The following GALNT7 variants were observed in gnomAD, a reference collection of about 807,000 sequenced individuals.
GALNT7 encodes the protein N-acetylgalactosaminyltransferase 7.
Under a neutral mutation model 82.1 loss-of-function variants are expected in GALNT7, and 60 were observed. That is an observed-to-expected ratio of 0.73 (90% CI 0.59 to 0.91). The LOEUF is 0.91. GALNT7 is among the 40% of genes least tolerant of loss of function. The pLI, the probability that GALNT7 is intolerant of heterozygous loss-of-function variation, is 0.00. For missense variants in GALNT7, 660 were observed against 804.2 expected (o/e 0.82, Z 2.17); for synonymous variants, 243 against 275.1 (o/e 0.88, Z 1.15).
At chr4:173,276,677 A>G (rs531515680) in intron 2 of GALNT7, among the ~76,000 whole-genome samples, 1 of 152,238 alleles carries the variant, frequency 6.6e-6, no homozygotes, top group South Asian at 2.1e-4. Flanking sequence ...AGCACACCCT[A>G]TTGTGGAGGA....
chr4:173,237,841 C>T (rs535466297), intron 1 of GALNT7, among the ~76,000 whole-genome samples: 3 of 151,572 alleles, frequency 2.0e-5, no homozygotes, highest in African/African-American at 7.3e-5. Flanking sequence ...TAAAGAGCAT[C>T]GAGAAAAGAG....
At chr4:173,226,217 A>C (rs1733821914) in intron 1 of GALNT7, among the ~76,000 whole-genome samples, 1 of 152,098 alleles carries the variant, frequency 6.6e-6, no homozygotes, top group Non-Finnish European at 1.5e-5. Context: ...CCTATTGGCT[A>C]TTCTTTTCTT....
intron 1 of GALNT7, among the ~76,000 whole-genome samples, chr4:173,196,281 T>A (rs2126646151): frequency 6.6e-6 from 1 of 152,088 alleles, no homozygotes; most frequent in East Asian, 1.9e-4. Flanking sequence ...CCTGCCACCA[T>A]GCCTGGCTAA....
rs556155091 is a variant in GALNT7, at chr4:173,204,007, T to A, written c.126+35046T>A. On this transcript the variant is annotated intron_variant, in intron 1 of 11. Coordinates refer to ENST00000265000, the MANE Select transcript of GALNT7 (RefSeq NM_017423.3). ...GAAGAACTCCCTTTACTATTTCTTATAAGACAAGACTAGTGGTGATTAACT... is the reference window on the plus strand; with the variant it reads ...GAAGAACTCCCTTTACTATTTCTTAAAAGACAAGACTAGTGGTGATTAACT... Among the ~76,000 whole-genome samples the A allele has an allele frequency of 2.2e-4, 34 of 152,330 alleles. No homozygotes were observed. The South Asian group carries it at 5.2e-3, about 23-fold the overall frequency.
At position 173,302,095 on chromosome 4, in the gene GALNT7, C is replaced by T; in HGVS notation, c.1197C>T (p.Phe399=). Residue 399 remains phenylalanine, a synonymous_variant, in exon 7 of 12, where the codon TTC becomes TTT. Coordinates refer to ENST00000265000, the MANE Select transcript of GALNT7 (RefSeq NM_017423.3). The surrounding 1 kb of genome is among the most constrained non-coding windows in gnomAD (Gnocchi z 4.2). ...GGLFAIEREF[F]FELGLYDPGL... ...TATTTGCCATTGAACGAGAGTTCTT[C>T]TTTGAATTGGGTCTCTATGATCCAG... The T allele has an allele frequency of 6.2e-7, 1 of 1,604,348 alleles. No individual in the cohort carries two copies.
At chr4:173,235,790 G>A (rs992379403) in intron 1 of GALNT7, among the ~76,000 whole-genome samples, 1 of 151,898 alleles carries the variant, frequency 6.6e-6, no homozygotes, top group Admixed American at 6.6e-5. Context: ...TCCTGACCTC[G>A]TGATCTGTCT....
rs541039156 is a variant in GALNT7 at position 173,284,596 on chromosome 4, C to T, written c.588-7512C>T. ...AAAAGCAAGGGGCCAGGAAAGACAA[C>T]CTTGAGACTGAAGTTTAATTTTGGG... On this transcript the variant is annotated intron_variant, in intron 2 of 11. Coordinates refer to ENST00000265000, the MANE Select transcript of GALNT7 (RefSeq NM_017423.3). Among the ~76,000 whole-genome samples the T allele has an allele frequency of 7.2e-5, 11 of 152,208 alleles. No homozygotes were observed. The South Asian group carries it at 1.5e-3, about 20-fold the overall frequency.
At chr4:173,189,613 T>C (rs187885365) in intron 1 of GALNT7, among the ~76,000 whole-genome samples, 1 of 152,366 alleles carries the variant, frequency 6.6e-6, no homozygotes, top group African/African-American at 2.4e-5. Flanking sequence ...TTGAATGAAG[T>C]GCTTTAAAAT....
chr4:173,227,162 A>C (rs1021758941), intron 1 of GALNT7, among the ~76,000 whole-genome samples: 2 of 152,158 alleles, frequency 1.3e-5, no homozygotes, highest in Non-Finnish European at 2.9e-5. Flanking sequence ...CTTTGGAGAG[A>C]AAAACTGTTA....
chr4:173,288,930 T>C (rs778926299), intron 2 of GALNT7, among the ~76,000 whole-genome samples: 1 of 151,884 alleles, frequency 6.6e-6, no homozygotes, highest in Non-Finnish European at 1.5e-5. Flanking sequence ...GGACTGACTC[T>C]ACCCAGCAAG....
intron 5 of GALNT7, among the ~76,000 whole-genome samples, chr4:173,296,746 C>T (rs533083861): frequency 3.3e-5 from 5 of 152,310 alleles, no homozygotes; most frequent in Non-Finnish European, 7.4e-5. Context: ...GGACAGTTAA[C>T]TGACCAAGTG....
At chr4:173,238,540 T>C (rs1378011789) in intron 1 of GALNT7, among the ~76,000 whole-genome samples, 1 of 152,196 alleles carries the variant, frequency 6.6e-6, no homozygotes, top group Non-Finnish European at 1.5e-5. Context: ...TCATACGTGC[T>C]CTTACCACTG....
intron 5 of GALNT7, among the ~76,000 whole-genome samples, chr4:173,297,246 T>TG (rs1403466618): frequency 6.6e-6 from 1 of 150,698 alleles, no homozygotes; most frequent in African/African-American, 2.5e-5. Context: ...ACCTTTTTTT[T>TG]TTGTTTGTTT....
chr4:173,230,188 T>C (rs1733984609), intron 1 of GALNT7, among the ~76,000 whole-genome samples: 1 of 152,194 alleles, frequency 6.6e-6, no homozygotes, highest in African/African-American at 2.4e-5. Flanking sequence ...AGCTTCACCT[T>C]TTGTTGCAAA....
intron 3 of GALNT7, 102 bp from the exon 4 acceptor site, chr4:173,295,294 A>T: frequency 2.7e-6 from 2 of 753,312 alleles, no homozygotes; most frequent in Non-Finnish European, 4.5e-6. Context: ...ATGTAAAATT[A>T]CTGTCTACCC....
intron 2 of GALNT7, among the ~76,000 whole-genome samples, chr4:173,252,183 T>C (rs2126746721): frequency 6.6e-6 from 1 of 152,354 alleles, no homozygotes; most frequent in South Asian, 2.1e-4. Flanking sequence ...TAGCAACATA[T>C]TGAAAACATA....
At chr4:173,300,821 A>G (rs371328913) in intron 6 of GALNT7, among the ~76,000 whole-genome samples, 12 of 152,228 alleles carry the variant, frequency 7.9e-5, no homozygotes, top group African/African-American at 2.9e-4. Context: ...GAAGTTGGAA[A>G]TAAGTCAGCA....
chr4:173,223,864 A>G (rs973079141), intron 1 of GALNT7, among the ~76,000 whole-genome samples: 1 of 152,164 alleles, frequency 6.6e-6, no homozygotes, highest in African/African-American at 2.4e-5. Context: ...ATTTGAGTTT[A>G]GGTAAAACAT....
At chr4:173,232,316 A>T (rs1734055131) in intron 1 of GALNT7, among the ~76,000 whole-genome samples, 1 of 152,134 alleles carries the variant, frequency 6.6e-6, no homozygotes, top group Admixed American at 6.6e-5. Flanking sequence ...AGTGGTTTTT[A>T]TAAATTTTTG....
Sources: allele counts gnomAD v4.1 joint callset (sites outside exome capture counted in the v4.1 genomes callset), GRCh38; gene constraint gnomAD v4.1.1; non-coding constraint Gnocchi (gnomAD v3.1); transcripts MANE v1.5; gene names NCBI Gene and HGNC (gene_info 2026-07-23, HGNC 2026-07-21).